Variants in RAP1GAP2 observed in about 807,000 individuals in gnomAD.
The protein encoded by RAP1GAP2 is rap1 GTPase-activating protein 2.
A neutral mutation model predicts 95.0 loss-of-function variants in RAP1GAP2; 27 were observed. That is an observed-to-expected ratio of 0.28 (90% CI 0.21 to 0.39). The LOEUF is 0.39. Among genes scored for constraint, RAP1GAP2 ranks in the 10% least tolerant of loss-of-function variants. The pLI, the probability that RAP1GAP2 is intolerant of heterozygous loss-of-function variation, is 1.00. For synonymous variants in RAP1GAP2, 373 were observed against 380.9 expected, an observed-to-expected ratio of 0.98 and a Z score of 0.24; for missense variants, 771 against 970.0, an observed-to-expected ratio of 0.79 and a Z score of 2.72.
At chr17:2,786,028 C>T (rs919905362) in intron 1 of RAP1GAP2, among the ~76,000 whole-genome samples, 2 of 151,210 alleles carry the variant, frequency 1.3e-5, no homozygotes, top group Non-Finnish European at 2.9e-5. Flanking sequence ...CAGCCTCCTG[C>T]GTAGCTGGGA....
chr17:2,850,640 C>T (rs1220069925), intron 2 of RAP1GAP2, among the ~76,000 whole-genome samples: 2 of 149,134 alleles, frequency 1.3e-5, no homozygotes, highest in Non-Finnish European at 3.0e-5. Context: ...ATCCCAGCTA[C>T]TCGGGAGGCT....
intron 2 of RAP1GAP2, among the ~76,000 whole-genome samples, chr17:2,840,195 C>T (rs1301825473): frequency 1.3e-5 from 2 of 151,658 alleles, no homozygotes; most frequent in East Asian, 3.9e-4. Context: ...CTCACTCCAT[C>T]TCACTCCAGT....
rs771025444 is a variant in RAP1GAP2, at chr17:2,851,833, G to A, written c.80+51283G>A. On this transcript the variant is annotated intron_variant, in intron 2 of 24. Coordinates refer to ENST00000254695, the MANE Select transcript of RAP1GAP2 (RefSeq NM_015085.5). Reference sequence around the variant, plus strand: ...CTCAAGTGATCCACCTGCCTGCCTCGGCCTTCCAAAGTGCTGGGATTACAG... The same window carrying A: ...CTCAAGTGATCCACCTGCCTGCCTCAGCCTTCCAAAGTGCTGGGATTACAG... Among the ~76,000 whole-genome samples, 7 of 151,994 alleles carry A rather than the reference G, an allele frequency of 4.6e-5. No individual in the cohort carries two copies. In the East Asian group the frequency reaches 5.8e-4, roughly 13 times the overall value.
chr17:2,818,327 TTATTTATTTATTTA>T (rs1353242290), intron 2 of RAP1GAP2, among the ~76,000 whole-genome samples: 48 of 141,354 alleles, frequency 3.4e-4, no homozygotes, highest in African/African-American at 1.3e-3. Flanking sequence ...ATTTATTTAT[TTATTTATTTATTTA>T]TTTTTGAGAC....
intron 2 of RAP1GAP2, among the ~76,000 whole-genome samples, chr17:2,826,147 A>ATTTTTTTTTTTTTTTTTTTT (rs71150901): frequency 9.2e-6 from 1 of 108,864 alleles, no homozygotes; most frequent in African/African-American, 3.7e-5. Flanking sequence ...CGCCCAGCAA[A>ATTTTTTTTTTTTTTTTTTTT]TTTTTTTTTT....
intron 2 of RAP1GAP2, among the ~76,000 whole-genome samples, chr17:2,852,517 C>G (rs1382766284): frequency 6.6e-6 from 1 of 152,198 alleles, no homozygotes; most frequent in Non-Finnish European, 1.5e-5. Context: ...TTTGCAGTCC[C>G]TCTCCCCTCT....
At chr17:3,028,671 G>T (rs928186300) in intron 22 of RAP1GAP2, among the ~76,000 whole-genome samples, 2 of 152,164 alleles carry the variant, frequency 1.3e-5, no homozygotes, top group African/African-American at 2.4e-5. Flanking sequence ...AAGAGTTCAC[G>T]TGCCTCCTCT....
intron 3 of RAP1GAP2, among the ~76,000 whole-genome samples, chr17:2,944,166 A>AAAAAAAAAAAAAAAAAAAC (rs2043621010): frequency 6.6e-6 from 1 of 150,946 alleles, no homozygotes; most frequent in Non-Finnish European, 1.5e-5. Flanking sequence ...AAAACCAAAA[A>AAAAAAAAAAAAAAAAAAAC]AAAAAAAAAA....
intron 1 of RAP1GAP2, among the ~76,000 whole-genome samples, chr17:2,779,704 G>A (rs767852166): frequency 4.0e-5 from 6 of 151,486 alleles, no homozygotes; most frequent in Admixed American, 1.3e-4. Context: ...AGTGGAGGGA[G>A]GGTGGATGCT....
chr17:2,894,424 C>T (rs563804289), intron 2 of RAP1GAP2, among the ~76,000 whole-genome samples: 3 of 152,088 alleles, frequency 2.0e-5, no homozygotes, highest in South Asian at 2.1e-4. Context: ...AGCGAGACTC[C>T]GTTTCAAAAA....
chr17:2,899,670 C>G, intron 2 of RAP1GAP2, among the ~76,000 whole-genome samples: 1 of 152,070 alleles, frequency 6.6e-6, no homozygotes, highest in Non-Finnish European at 1.5e-5. Flanking sequence ...GCCATCATGC[C>G]TGGCTAATTT....
rs1043634330 is a variant in RAP1GAP2, at chr17:2,827,929, G to A, written c.80+27379G>A. Among the ~76,000 whole-genome samples, 1 of 152,228 alleles carries A rather than the reference G, an allele frequency of 6.6e-6. No individual in the cohort carries two copies. Among genetic ancestry groups the A allele is most frequent in the Admixed American group, 6.5e-5 (1 of 15,272 alleles). ...GCGTGGCAGAGGCTCTCAGGCTGGA[G>A]GCCAGCTACTGCTCCGGCCAGCCCT... On this transcript the variant is annotated intron_variant, in intron 2 of 24. Transcript: ENST00000254695. This position sits in a 1 kb window ranked among gnomAD's most constrained non-coding sequence, Gnocchi z 4.1.
chr17:2,975,637 C>A (rs1357016284), intron 8 of RAP1GAP2, among the ~76,000 whole-genome samples: 1 of 152,204 alleles, frequency 6.6e-6, no homozygotes, highest in Non-Finnish European at 1.5e-5. Flanking sequence ...CAGGAACTCA[C>A]GTGTGTAGCT....
At chr17:2,915,087 G>A (rs1208667421) in intron 3 of RAP1GAP2, among the ~76,000 whole-genome samples, 1 of 151,972 alleles carries the variant, frequency 6.6e-6, no homozygotes, top group Non-Finnish European at 1.5e-5. Context: ...ACTGCGTCCG[G>A]CCTTCTTCTT....
chr17:2,982,370 C>T (rs555432664), intron 10 of RAP1GAP2, among the ~76,000 whole-genome samples: 1 of 152,304 alleles, frequency 6.6e-6, no homozygotes, highest in South Asian at 2.1e-4. Flanking sequence ...GAACTGACCT[C>T]AGGTGATCTG....
chr17:2,915,279 G>T (rs1053207550), intron 3 of RAP1GAP2, among the ~76,000 whole-genome samples: 3 of 151,648 alleles, frequency 2.0e-5, no homozygotes, highest in African/African-American at 7.3e-5. Context: ...TGCCCAGGCT[G>T]GAGTGCAGTG....
upstream of RAP1GAP2, among the ~76,000 whole-genome samples, chr17:2,791,890 C>G (rs1347509796): frequency 7.0e-6 from 1 of 143,622 alleles, no homozygotes; most frequent in Non-Finnish European, 1.5e-5. Context: ...GATGGAGTCT[C>G]ACTCTGTCAC....
At chr17:3,006,840 C>CG (rs113262219) in intron 16 of RAP1GAP2, among the ~76,000 whole-genome samples, 15,444 of 151,674 alleles carry the variant, frequency 0.1, 1,094 homozygotes, top group African/African-American at 0.2. Flanking sequence ...ACAGGGTAGT[C>CG]GGGGGGTGGG....
At chr17:2,956,456 G>A (rs1389833888) in intron 3 of RAP1GAP2, among the ~76,000 whole-genome samples, 2 of 152,224 alleles carry the variant, frequency 1.3e-5, no homozygotes, top group South Asian at 4.1e-4. Context: ...GGAGCTCCAG[G>A]CAGTTCTGGC....
Sources: allele counts gnomAD v4.1 joint callset (sites outside exome capture counted in the v4.1 genomes callset), GRCh38; gene constraint gnomAD v4.1.1; non-coding constraint Gnocchi (gnomAD v3.1); transcripts MANE v1.5; gene names NCBI Gene and HGNC (gene_info 2026-07-23, HGNC 2026-07-21).